Variants in RTF2 observed in about 807,000 individuals in gnomAD.
The protein encoded by RTF2 is replication termination factor 2.
RTF2 carries 18 observed loss-of-function variants against 38.0 expected under a neutral mutation model. That is an observed-to-expected ratio of 0.47 (90% confidence interval 0.33 to 0.70). The LOEUF (loss-of-function observed/expected upper bound fraction) is 0.70. RTF2 is among the 30% of genes least tolerant of loss of function. RTF2 has a pLI of 0.02. For missense variants in RTF2, 311 were observed against 379.6 expected (o/e 0.82, Z 1.50); for synonymous variants, 126 against 137.1 (o/e 0.92, Z 0.57).
intron 4 of RTF2, among the ~76,000 whole-genome samples, chr20:56,481,472 AAAT>A (rs1450314748): frequency 6.6e-6 from 1 of 152,212 alleles, no homozygotes; most frequent in Admixed American, 6.5e-5. Context: ...ACTCTTCTTC[AAAT>A]AATCTGAATT....
At chr20:56,506,690 T>C (rs901177226) in intron 5 of RTF2, among the ~76,000 whole-genome samples, 9 of 152,192 alleles carry the variant, frequency 5.9e-5, no homozygotes, top group African/African-American at 2.2e-4. Flanking sequence ...TCTTCCTTTT[T>C]GGGAATGTAT....
intron 5 of RTF2, among the ~76,000 whole-genome samples, chr20:56,509,636 A>T (rs1307586815): frequency 6.6e-6 from 1 of 151,284 alleles, no homozygotes; most frequent in Non-Finnish European, 1.5e-5. Context: ...AAGAAAAACG[A>T]TGACAGGTGT....
chr20:56,484,676 G>A (rs1197511996), intron 5 of RTF2, among the ~76,000 whole-genome samples: 1 of 152,228 alleles, frequency 6.6e-6, no homozygotes, highest in Non-Finnish European at 1.5e-5. Flanking sequence ...TCTCTCCAGA[G>A]CACGTAGCGT....
chr20:56,510,373 G>T (rs1413186354), intron 5 of RTF2, among the ~76,000 whole-genome samples: 1 of 152,148 alleles, frequency 6.6e-6, no homozygotes. Flanking sequence ...GATAGAACAT[G>T]ATTTCTGCTT....
chr20:56,515,174 A>T (rs1984945319), intron 6 of RTF2, among the ~76,000 whole-genome samples: 1 of 152,222 alleles, frequency 6.6e-6, no homozygotes. Flanking sequence ...TAAGAGAGAA[A>T]AAAAGAGGGA....
intron 1 of RTF2, among the ~76,000 whole-genome samples, chr20:56,469,592 C>A (rs974797780): frequency 6.6e-6 from 1 of 152,220 alleles, no homozygotes; most frequent in African/African-American, 2.4e-5. Flanking sequence ...CTAGTAGAGA[C>A]TTCTTTACAA....
intron 5 of RTF2, among the ~76,000 whole-genome samples, chr20:56,487,758 C>T (rs1283357218): frequency 6.6e-6 from 1 of 152,158 alleles, no homozygotes; most frequent in Non-Finnish European, 1.5e-5. Flanking sequence ...AAGGTGTCAT[C>T]AGGGTTAGTT....
At chr20:56,472,263 T>A (rs897112519) in intron 1 of RTF2, 31 of 936,986 alleles carry the variant, frequency 3.3e-5, no homozygotes, top group Non-Finnish European at 5.0e-5. Flanking sequence ...ATTGTTTTTG[T>A]CTTCTTTTTT....
intron 5 of RTF2, among the ~76,000 whole-genome samples, chr20:56,493,501 A>G (rs527762638): frequency 1.3e-5 from 2 of 151,996 alleles, no homozygotes; most frequent in East Asian, 3.9e-4. Context: ...CTACAAAGAT[A>G]AAAAATTAGC....
rs564384755 is a variant in RTF2, at chr20:56,470,443, T to C, written c.69+1677T>C. ...AGTGGTTACCATATATACATTGTTGTAGGCCCCAGGGATATAGCAGTGAAC... is the reference window on the plus strand; with the variant it reads ...AGTGGTTACCATATATACATTGTTGCAGGCCCCAGGGATATAGCAGTGAAC... On this transcript the variant is annotated intron_variant, in intron 1 of 8. Transcript: ENST00000357348. 2.0e-5 allele frequency among the ~76,000 whole-genome samples: 3 copies of C among 152,358 alleles called. No homozygotes were observed. In the South Asian group the frequency reaches 6.2e-4, roughly 32 times the overall value.
chr20:56,506,891 G>A (rs185782668), intron 5 of RTF2, among the ~76,000 whole-genome samples: 26 of 152,102 alleles, frequency 1.7e-4, no homozygotes, highest in Middle Eastern at 3.4e-3. Context: ...TAGTAGAGAC[G>A]GGGTTTCACC....
At chr20:56,479,556 T>C (rs938509762) in intron 4 of RTF2, among the ~76,000 whole-genome samples, 8 of 152,182 alleles carry the variant, frequency 5.3e-5, no homozygotes, top group African/African-American at 1.7e-4. Flanking sequence ...ACATCTAGAA[T>C]GGTGAATTCT....
rs942745017 is a variant in RTF2, at chr20:56,519,326, A to G, written c.*1061A>G. ...AGGGAGAGGCCAGCAAGGGAGAACC[A>G]TGTGTGGCCCTGCTTTTTCTCAAAC... On this transcript the variant is annotated 3_prime_UTR_variant, in exon 9 of 9. Coordinates refer to ENST00000357348, the MANE Select transcript of RTF2 (RefSeq NM_016407.5). 4 of 152,214 alleles carry G rather than the reference A, an allele frequency of 2.6e-5. No homozygotes were observed. The highest frequency in any genetic ancestry group is 9.7e-5 in the African/African-American group (4 of 41,438). The allele number at this position is 152,214 out of a possible 1,614,324, so 9.4% of individuals were successfully genotyped here. A position where few individuals can be genotyped will look rare whatever the true frequency, so the allele number is the denominator to read the frequency against.
In RTF2 at chr20:56,519,418, G is replaced by A. The variant is rs904944835; in HGVS notation, c.*1153G>A. On this transcript the variant is annotated 3_prime_UTR_variant, in exon 9 of 9. Coordinates refer to ENST00000357348, the MANE Select transcript of RTF2 (RefSeq NM_016407.5). ...CCCCAAGGATATTTTGACATTGTGA[G>A]TATAGAGCATTTTAATAAAAATTAA... 11 of 152,296 alleles carry A rather than the reference G, an allele frequency of 7.2e-5. 1 individual carries two copies. The highest frequency in any genetic ancestry group is 7.2e-4 in the Admixed American group (11 of 15,304). 9.4% of individuals were successfully genotyped at this position (152,296 alleles called of 1,614,324 possible).
intron 5 of RTF2, among the ~76,000 whole-genome samples, chr20:56,490,004 C>T (rs1011120036): frequency 2.6e-5 from 4 of 152,186 alleles, no homozygotes; most frequent in Non-Finnish European, 5.9e-5. Flanking sequence ...TAATATTTTC[C>T]ATATGTGCTT....
intron 5 of RTF2, among the ~76,000 whole-genome samples, chr20:56,485,098 G>A (rs1982723223): frequency 6.6e-6 from 1 of 152,122 alleles, no homozygotes; most frequent in Non-Finnish European, 1.5e-5. Flanking sequence ...AGACCCTCAA[G>A]TAGATGAGCA....
At position 56,518,872 on chromosome 20, in the gene RTF2, T is replaced by G. The variant is rs1985231939; in HGVS notation, c.*607T>G. On this transcript the variant is annotated 3_prime_UTR_variant, in exon 9 of 9. Transcript: ENST00000357348. The stretch of plus-strand genomic sequence containing the variant: ...TGATTGGGTTCAAAAATAAAGCTGG[T>G]CTGCCTCTTCTCTCCTCTGTGTTTT... The G allele has an allele frequency of 6.6e-6, 1 of 152,208 alleles. No homozygotes were observed. The highest frequency in any genetic ancestry group is 1.5e-5 in the Non-Finnish European group (1 of 68,068). 9.4% of individuals were successfully genotyped at this position (152,208 alleles called of 1,614,324 possible).
chr20:56,489,972 C>T (rs1034160552), intron 5 of RTF2, among the ~76,000 whole-genome samples: 13 of 152,136 alleles, frequency 8.5e-5, no homozygotes, highest in Non-Finnish European at 2.9e-5. Context: ...TCATGGGGCT[C>T]TTGTGTTCTT....
intron 5 of RTF2, 98 bp downstream of exon 5, chr20:56,484,287 T>C (rs1982673170): frequency 9.5e-7 from 1 of 1,049,856 alleles, no homozygotes; most frequent in African/African-American, 1.6e-5. Flanking sequence ...TGAAATCAGC[T>C]CTCATAAGTT....
Sources: allele counts gnomAD v4.1 joint callset (sites outside exome capture counted in the v4.1 genomes callset), GRCh38; gene constraint gnomAD v4.1.1; transcripts MANE v1.5; gene names NCBI Gene and HGNC (gene_info 2026-07-23, HGNC 2026-07-21).